The following NAV3 variants were observed in gnomAD, a reference collection of about 807,000 sequenced individuals.
NAV3 encodes the protein pore membrane and/or filament interacting like protein 1.
NAV3 carries 87 observed loss-of-function variants against 244.7 expected under a neutral mutation model. The observed-to-expected ratio is 0.36, with a 90% CI of 0.30 to 0.42. NAV3 has a LOEUF of 0.42. Among genes scored for constraint, NAV3 ranks in the 20% least tolerant of loss-of-function variants. The pLI is 1.00. For missense variants in NAV3, 2,663 were observed against 2,893.3 expected, an observed-to-expected ratio of 0.92 and a Z score of 1.83; for synonymous variants, 1,126 against 1,042.2, an observed-to-expected ratio of 1.08 and a Z score of -1.55.
intron 2 of NAV3, among the ~76,000 whole-genome samples, chr12:77,583,810 C>T (rs915899252): frequency 2.0e-5 from 3 of 152,072 alleles, no homozygotes; most frequent in African/African-American, 7.2e-5. Flanking sequence ...CCATGGGACC[C>T]GACATAATCT....
intron 2 of NAV3, among the ~76,000 whole-genome samples, chr12:77,596,902 G>T (rs1350463066): frequency 6.6e-6 from 1 of 152,028 alleles, no homozygotes; most frequent in Non-Finnish European, 1.5e-5. Flanking sequence ...AAATTGGTAT[G>T]GTGGAGAGGG....
chr12:77,833,163 G>A (rs1349253031), intron 1 of NAV3, among the ~76,000 whole-genome samples: 3 of 151,972 alleles, frequency 2.0e-5, no homozygotes, highest in Non-Finnish European at 4.4e-5. Flanking sequence ...TAATTATCTG[G>A]ATAATTTCTT....
chr12:78,092,531 G>A (rs1405831954), intron 12 of NAV3, among the ~76,000 whole-genome samples: 7 of 113,686 alleles, frequency 6.2e-5, no homozygotes, highest in African/African-American at 1.0e-4. Context: ...ATGGAGTCTC[G>A]CTCTGTCGCC....
intron 12 of NAV3, among the ~76,000 whole-genome samples, chr12:78,090,577 G>A (rs549240120): frequency 2.6e-5 from 4 of 152,142 alleles, no homozygotes; most frequent in African/African-American, 9.6e-5. Flanking sequence ...ATTCTAAATA[G>A]AACCTTATTG....
intron 3 of NAV3, chr12:77,950,921 G>C (rs540964012): frequency 6.6e-6 from 1 of 152,266 alleles, no homozygotes; most frequent in East Asian, 1.9e-4. Context: ...ATTAATTCAA[G>C]ATGGATTAAA....
At chr12:77,802,469 T>C (rs766175218) in intron 2 of NAV3, among the ~76,000 whole-genome samples, 8 of 152,238 alleles carry the variant, frequency 5.3e-5, no homozygotes, top group Non-Finnish European at 1.0e-4. Context: ...CTGTGACTTT[T>C]AGGAAGGAAA....
At chr12:78,038,290 C>T (rs941696315) in intron 9 of NAV3, among the ~76,000 whole-genome samples, 1 of 152,142 alleles carries the variant, frequency 6.6e-6, no homozygotes, top group African/African-American at 2.4e-5. Context: ...CTGGCCATAT[C>T]ATATTTTATG....
chr12:77,773,017 A>G (rs934708593), intron 2 of NAV3, among the ~76,000 whole-genome samples: 8 of 152,198 alleles, frequency 5.3e-5, no homozygotes, highest in African/African-American at 1.9e-4. Context: ...CTGAGATTCT[A>G]TCATCCCAAT....
chr12:77,707,296 A>T (rs1035691955), intron 2 of NAV3, among the ~76,000 whole-genome samples: 5 of 144,748 alleles, frequency 3.5e-5, no homozygotes, highest in African/African-American at 1.0e-4. Flanking sequence ...TCTATGAGTG[A>T]GAACATGTGG....
chr12:77,572,591 C>T (rs1219211094), intron 2 of NAV3, among the ~76,000 whole-genome samples: 1 of 152,136 alleles, frequency 6.6e-6, no homozygotes, highest in African/African-American at 2.4e-5. Flanking sequence ...TCACAGGCAC[C>T]TCTGGAGTAA....
chr12:78,127,504 A>AAG (rs1955967569), intron 17 of NAV3, among the ~76,000 whole-genome samples: 2 of 152,132 alleles, frequency 1.3e-5, no homozygotes, highest in African/African-American at 4.8e-5. Context: ...CAAACAAAAA[A>AAG]CTTGTCCCAG....
chr12:77,777,820 T>C (rs1288614484), intron 2 of NAV3, among the ~76,000 whole-genome samples: 2 of 151,976 alleles, frequency 1.3e-5, no homozygotes, highest in Non-Finnish European at 2.9e-5. Flanking sequence ...TTTTCTTTTT[T>C]TTTTGAGACG....
At chr12:77,707,393 C>CT (rs1875874070) in intron 2 of NAV3, among the ~76,000 whole-genome samples, 1 of 151,996 alleles carries the variant, frequency 6.6e-6, no homozygotes, top group African/African-American at 2.4e-5. Context: ...TGAACTCATC[C>CT]TTTTTTCTGG....
chr12:78,131,615 A>C (rs374536820), intron 18 of NAV3, among the ~76,000 whole-genome samples: 13 of 152,168 alleles, frequency 8.5e-5, no homozygotes, highest in African/African-American at 3.1e-4. Flanking sequence ...TCCTTCTTCT[A>C]TTTTTCCTCA....
At chr12:77,681,074 G>C (rs1190246092) in intron 2 of NAV3, among the ~76,000 whole-genome samples, 2 of 152,084 alleles carry the variant, frequency 1.3e-5, no homozygotes, top group African/African-American at 4.8e-5. Flanking sequence ...AATTTGCCTA[G>C]TATTTTTTTA....
rs183717093 is a variant in NAV3 at position 78,190,101 on chromosome 12, G to A, written c.6173G>A (p.Ser2058Asn). ...CACAGAATTATACTCTCAGGACCGAGTGGTACTGGAAAGACCTATTTGGCA... is the reference window on the plus strand; with the variant it reads ...CACAGAATTATACTCTCAGGACCGAATGGTACTGGAAAGACCTATTTGGCA... ...EHHRIILSGP[S>N]GTGKTYLANK... The change falls in exon 34 of 40, where the codon AGT becomes AAT. Residue 2058 changes from serine (S) to asparagine (N), a missense_variant. This residue lies in a region of NAV3 where 543 missense variants were observed against 672.4 expected (regional missense o/e 0.81). Transcript: ENST00000397909. 6.2e-7 allele frequency: 1 copy of A among 1,613,034 alleles called. No homozygotes were observed. The highest frequency in any genetic ancestry group is 8.5e-7 in the Non-Finnish European group (1 of 1,179,404).
intron 2 of NAV3, among the ~76,000 whole-genome samples, chr12:77,748,068 TTAA>T (rs1190169752): frequency 6.6e-6 from 1 of 152,204 alleles, no homozygotes; most frequent in African/African-American, 2.4e-5. Context: ...ATTTTAAGTC[TTAA>T]TAATTATGTT....
At chr12:78,009,445 C>CAAAAAAAAAAAAAAAAAAAAAAAAAAAA (rs35722033) in intron 8 of NAV3, among the ~76,000 whole-genome samples, 1 of 69,896 alleles carries the variant, frequency 1.4e-5, no homozygotes, top group Non-Finnish European at 2.6e-5. Context: ...GAGGGAAACT[C>CAAAAAAAAAAAAAAAAAAAAAAAAAAAA]AAAAAAAAAA....
intron 12 of NAV3, among the ~76,000 whole-genome samples, chr12:78,085,350 A>G (rs1462709499): frequency 6.6e-6 from 1 of 152,154 alleles, no homozygotes; most frequent in African/African-American, 2.4e-5. Flanking sequence ...GGGGAAGAGC[A>G]AAAGAGGCAG....
Sources: gnomAD v4.1 joint callset for allele counts (sites outside exome capture counted in the v4.1 genomes callset) on GRCh38, gnomAD v4.1.1 for gene constraint, gnomAD v4.1.1 regional missense constraint, MANE v1.5 for transcripts, NCBI Gene and HGNC (gene_info 2026-07-23, HGNC 2026-07-21) for gene names.